CCDC192: variants seen among roughly 807,000 people sequenced by gnomAD.
CCDC192 encodes the protein coiled-coil domain-containing protein 192.
intron 6 of CCDC192, among the ~76,000 whole-genome samples, chr5:127,892,686 C>T (rs1209396140): frequency 6.6e-6 from 1 of 152,060 alleles, no homozygotes; most frequent in East Asian, 1.9e-4. Flanking sequence ...GAAGATGTGG[C>T]ATTGTTCTAG....
chr5:127,894,480 C>A (rs1328027374), intron 6 of CCDC192, among the ~76,000 whole-genome samples: 1 of 152,076 alleles, frequency 6.6e-6, no homozygotes, highest in South Asian at 2.1e-4. Flanking sequence ...CGTGAGCCAC[C>A]GCGCCTGGCC....
chr5:127,815,220 A>G (rs967188532), intron 5 of CCDC192, among the ~76,000 whole-genome samples: 1 of 152,188 alleles, frequency 6.6e-6, no homozygotes, highest in East Asian at 1.9e-4. Context: ...CAACTTTAAC[A>G]TATTTTAGAA....
chr5:127,779,634 AC>A (rs2126929042), intron 3 of CCDC192, among the ~76,000 whole-genome samples: 1 of 152,276 alleles, frequency 6.6e-6, no homozygotes, highest in South Asian at 2.1e-4. Context: ...CCAATGCAGA[AC>A]CCATGCATTA....
intron 5 of CCDC192, among the ~76,000 whole-genome samples, chr5:127,813,988 T>A (rs1758219613): frequency 6.6e-6 from 1 of 152,242 alleles, no homozygotes; most frequent in Admixed American, 6.5e-5. Context: ...CTATTTTTAC[T>A]GATCCTCACA....
intron 3 of CCDC192, chr5:127,784,955 A>G (rs1240007186): frequency 6.3e-6 from 3 of 474,094 alleles, no homozygotes; most frequent in African/African-American, 4.0e-5. Context: ...TCTGTCTTCA[A>G]TTCCACCTCA....
chr5:127,744,960 C>G (rs1366378504), intron 2 of CCDC192, among the ~76,000 whole-genome samples: 1 of 152,194 alleles, frequency 6.6e-6, no homozygotes, highest in African/African-American at 2.4e-5. Flanking sequence ...CTCTGTGGCT[C>G]TGATCCCTGT....
Position 127,941,321 on chromosome 5 carries a change from G to A in CCDC192, c.675G>A (p.Glu225=). The A allele has an allele frequency of 2.5e-6, 1 of 399,030 alleles. No homozygotes were observed. The highest frequency in any genetic ancestry group is 4.4e-6 in the Non-Finnish European group (1 of 226,070). The allele number at this position is 399,030 out of a possible 1,614,324, so 24.7% of individuals were successfully genotyped here. A position where few individuals can be genotyped will look rare whatever the true frequency, so the allele number is the denominator to read the frequency against. ...ERITQLKEVL[E]EKERKIQQLE... is the part of the protein sequence containing the mutation. ...TTACTCAGCTGAAAGAAGTTTTGGA[G>A]GAAAAGGAAAGGAAGATTCAGCAGC... is the stretch of plus-strand genomic sequence containing the variant. Residue 225 remains glutamate, a synonymous_variant, in exon 7 of 7, where the codon GAG becomes GAA. Transcript: ENST00000514853.
At chr5:127,868,760 C>T (rs1751718606) in intron 5 of CCDC192, among the ~76,000 whole-genome samples, 1 of 151,642 alleles carries the variant, frequency 6.6e-6, no homozygotes, top group South Asian at 2.1e-4. Context: ...CGGTGGGCGC[C>T]CATAGTCACA....
chr5:127,907,118 A>G (rs762286407), intron 6 of CCDC192, among the ~76,000 whole-genome samples: 1 of 152,106 alleles, frequency 6.6e-6, no homozygotes, highest in Non-Finnish European at 1.5e-5. Flanking sequence ...CCACATCTTT[A>G]TACTACTGAA....
intron 2 of CCDC192, among the ~76,000 whole-genome samples, chr5:127,710,588 A>G (rs1384477794): frequency 1.3e-5 from 2 of 152,088 alleles, no homozygotes; most frequent in African/African-American, 4.8e-5. Flanking sequence ...TCAGACATCA[A>G]AATGGCTCTC....
intron 2 of CCDC192, among the ~76,000 whole-genome samples, chr5:127,709,241 G>GAGAGAGAA (rs1301014821): frequency 8.6e-6 from 1 of 116,758 alleles, no homozygotes; most frequent in Non-Finnish European, 1.8e-5. Flanking sequence ...GAGAGAGAGA[G>GAGAGAGAA]AGAGAGAAAT....
In CCDC192 at chr5:127,737,350, G is replaced by C. The variant is rs371467642; in HGVS notation, c.115-16918G>C. 1.1e-4 allele frequency among the ~76,000 whole-genome samples: 16 copies of C among 152,136 alleles called. No individual in the cohort carries two copies. The South Asian group carries it at 2.3e-3, about 22-fold the overall frequency. ...TTGCTGAGGAGAGCTTTACTTCCAA[G>C]TATGTGGTCAGTTTTGGAATAGATG... is the stretch of plus-strand genomic sequence containing the variant. On this transcript the variant is annotated intron_variant, in intron 2 of 6. Coordinates refer to ENST00000514853, the MANE Select transcript of CCDC192 (RefSeq NM_001317938.2).
At chr5:127,865,262 A>G (rs1751561130) in intron 5 of CCDC192, among the ~76,000 whole-genome samples, 1 of 152,212 alleles carries the variant, frequency 6.6e-6, no homozygotes. Context: ...GGAGAAGGAT[A>G]AAACAAAAAA....
intron 2 of CCDC192, among the ~76,000 whole-genome samples, chr5:127,753,086 G>A (rs961626452): frequency 2.6e-5 from 4 of 152,282 alleles, no homozygotes; most frequent in African/African-American, 9.6e-5. Flanking sequence ...CGTCGCTCAG[G>A]CTGGGAGCTG....
At chr5:127,733,277 C>T (rs1312681320) in intron 2 of CCDC192, among the ~76,000 whole-genome samples, 2 of 152,104 alleles carry the variant, frequency 1.3e-5, no homozygotes, top group Non-Finnish European at 2.9e-5. Context: ...GAAGCTGGAC[C>T]ATAGGAACAT....
intron 5 of CCDC192, among the ~76,000 whole-genome samples, chr5:127,839,971 C>T (rs758594923): frequency 2.3e-4 from 35 of 152,054 alleles, no homozygotes; most frequent in Non-Finnish European, 3.8e-4. Flanking sequence ...TTAAATAAAA[C>T]AATCTATGTA....
intron 6 of CCDC192, among the ~76,000 whole-genome samples, chr5:127,911,609 G>A (rs140113407): frequency 1.7e-3 from 264 of 151,976 alleles, no homozygotes; most frequent in African/African-American, 6.1e-3. Flanking sequence ...TCCATAAAGG[G>A]GTACAGTAAA....
chr5:127,764,601 G>GCAAT (rs1239274263), intron 3 of CCDC192, among the ~76,000 whole-genome samples: 1 of 152,002 alleles, frequency 6.6e-6, no homozygotes, highest in African/African-American at 2.4e-5. Flanking sequence ...TCTGAATCTT[G>GCAAT]CAATCCTTGG....
At chr5:127,902,082 C>T (rs1166044946) in intron 6 of CCDC192, among the ~76,000 whole-genome samples, 1 of 152,100 alleles carries the variant, frequency 6.6e-6, no homozygotes, top group Admixed American at 6.5e-5. Flanking sequence ...ACCAGCCTGG[C>T]CAACATGGTG....
Sources: gnomAD v4.1 joint callset for allele counts (sites outside exome capture counted in the v4.1 genomes callset) on GRCh38, gnomAD v4.1.1 for gene constraint, MANE v1.5 for transcripts, NCBI Gene and HGNC (gene_info 2026-07-23, HGNC 2026-07-21) for gene names.